The following ZNF799 variants were observed in gnomAD, a reference collection of about 807,000 sequenced individuals.
ZNF799 encodes the protein zinc finger protein 799.
In ZNF799, 28 loss-of-function variants were observed where a neutral mutation model predicts 41.0. The ratio of observed to expected loss-of-function variants is 0.68; its 90% CI spans 0.51 to 0.94. The LOEUF (loss-of-function observed/expected upper bound fraction) is 0.94, where lower values mean the gene tolerates loss of function less well. Among genes scored for constraint, ZNF799 ranks in the 40% least tolerant of loss-of-function variants. The probability of loss-of-function intolerance (pLI) is 0.00; values close to 1 mark genes in which losing one functional copy is unlikely to be tolerated. For missense variants in ZNF799, 716 were observed against 764.3 expected (o/e 0.94, Z 0.74); for synonymous variants, 213 against 252.9 (o/e 0.84, Z 1.50).
At position 12,392,171 on chromosome 19, in the gene ZNF799, T is replaced by G; in HGVS notation, c.227A>C (p.Asp76Ala). The change falls in exon 4 of 4, where the codon GAT becomes GCT. Residue 76 changes from aspartate (D) to alanine (A), a missense_variant. Asp to Ala is a moderately radical substitution (Grantham distance 126, BLOSUM62 -2). Around this residue, in one of 2 missense-constraint regions of ZNF799, gnomAD observed 698 missense variants for 713.6 expected, o/e 0.98. Transcript: ENST00000430385. ...RMLERFVESK[D>A]GTQCGETSSQ... Reference sequence around the variant, plus strand: ...AGATGTTTCTCCACATTGAGTTCCATCTTTACTTTCAACAAATCTCTCTAA... The same window carrying G: ...AGATGTTTCTCCACATTGAGTTCCAGCTTTACTTTCAACAAATCTCTCTAA... 6.3e-7 allele frequency: 1 copy of G among 1,589,914 alleles called. No homozygotes were observed.
chr19:12,393,784 T>G, intron 1 of ZNF799: 1 of 1,097,170 alleles, frequency 9.1e-7, no homozygotes, highest in Non-Finnish European at 1.1e-6. Context: ...TTAGCAGTGC[T>G]GAGACTGTGT....
upstream of ZNF799, among the ~76,000 whole-genome samples, chr19:12,403,482 C>T (rs7245860): frequency 0.045 from 6,759 of 151,112 alleles, 223 homozygotes; most frequent in Middle Eastern, 0.072. Flanking sequence ...TTGGTTTGCT[C>T]TTGCTTTTCT....
Position 12,390,869 on chromosome 19 carries a change from T to C in ZNF799, c.1529A>G (p.Lys510Arg), listed in dbSNP as rs1969799618. The C allele has an allele frequency of 2.5e-6, 4 of 1,613,946 alleles. No individual in the cohort carries two copies. Among genetic ancestry groups the C allele is most frequent in the African/African-American group, 1.3e-5 (1 of 74,914 alleles). ...GTTACCAAAATGACTGAAGGCTTTC[T>C]TACATGTGTTACACTCATAAGGTTT... ...GEKPYECNTC[K>R]KAFSHFGNLK... is the part of the protein sequence containing the mutation. Residue 510 changes from lysine (K) to arginine (R), a missense_variant, in exon 4 of 4, where the codon AAG becomes AGG. Coordinates refer to ENST00000430385, the MANE Select transcript of ZNF799 (RefSeq NM_001080821.3).
At chr19:12,405,266 T>C (rs1039042990), upstream of ZNF799, among the ~76,000 whole-genome samples, 1 of 152,058 alleles carries the variant, frequency 6.6e-6, no homozygotes, top group Non-Finnish European at 1.5e-5. Context: ...CAGAGAACCC[T>C]GACTAATACA....
chr19:12,401,140 C>CA lies in ZNF799; in HGVS notation c.-71dup, dbSNP rs1969978179. 8.7e-6 allele frequency: 14 copies of CA among 1,611,614 alleles called. 1 individual carries two copies. In the South Asian group the frequency reaches 1.3e-4, roughly 15 times the overall value. On this transcript the variant is annotated 5_prime_UTR_variant, in exon 1 of 4. Coordinates refer to ENST00000430385, the MANE Select transcript of ZNF799 (RefSeq NM_001080821.3). ...TGCCAATGCGGGTTCCCGCGGGACA[C>CA]AGGCTGCCACGGAACTTCCAGGTCG...
At chr19:12,394,981 C>G (rs1046837827) in intron 1 of ZNF799, 1 of 631,360 alleles carries the variant, frequency 1.6e-6, no homozygotes, top group African/African-American at 2.0e-5. Flanking sequence ...CCCAATCCCT[C>G]CCCCTATCAA....
At chr19:12,401,601 G>GAGAGAGAGAGAGAGAGAGAGA (rs1568505711), upstream of ZNF799, among the ~76,000 whole-genome samples, 1 of 114,296 alleles carries the variant, frequency 8.7e-6, no homozygotes, top group African/African-American at 3.7e-5. Context: ...AGAGAGAGAG[G>GAGAGAGAGAGAGAGAGAGAGA]GAGTCTTGCT....
Position 12,401,218 on chromosome 19 carries a change from G to C in ZNF799, c.-148C>G, listed in dbSNP as rs1281708341. Reference sequence around the variant, plus strand: ...GCGCCCAGCGCAGGTGGGTGGAGAAGACGCCGCGGGCTTTTTCAACCACAC... The same window carrying C: ...GCGCCCAGCGCAGGTGGGTGGAGAACACGCCGCGGGCTTTTTCAACCACAC... On this transcript the variant is annotated 5_prime_UTR_variant, in exon 1 of 4. Transcript: ENST00000430385. 3 of 1,502,458 alleles carry C rather than the reference G, an allele frequency of 2.0e-6. No homozygotes were observed. The East Asian group carries it at 7.0e-5, about 35-fold the overall frequency. 93.1% of individuals were successfully genotyped at this position (1,502,458 alleles called of 1,614,324 possible). A position where few individuals can be genotyped will look rare whatever the true frequency, so the allele number is the denominator to read the frequency against.
At chr19:12,406,793 G>C in the ZNF799 span, among the ~76,000 whole-genome samples, 3 of 151,956 alleles carry the variant, frequency 2.0e-5, no homozygotes, top group African/African-American at 7.2e-5. Context: ...CCAGCTACTG[G>C]GGAGGCTGAG....
chr19:12,405,948 G>C (rs989628311), upstream of ZNF799, among the ~76,000 whole-genome samples: 2 of 152,144 alleles, frequency 1.3e-5, no homozygotes, highest in Admixed American at 6.5e-5. Flanking sequence ...GCCGAGGGGG[G>C]CAGATCACAA....
chr19:12,402,416 C>CTT (rs745521629), upstream of ZNF799, among the ~76,000 whole-genome samples: 24,694 of 124,908 alleles, frequency 0.2, 2,929 homozygotes, highest in African/African-American at 0.24. Context: ...CCCTTTATTT[C>CTT]TTTTTTTTTT....
chr19:12,394,898 G>T (rs915521809), intron 1 of ZNF799: 44 of 981,208 alleles, frequency 4.5e-5, no homozygotes, highest in Non-Finnish European at 4.8e-5. Flanking sequence ...ACTATTAACA[G>T]AGAGATAAAT....
chr19:12,407,363 TAA>T, the ZNF799 span, among the ~76,000 whole-genome samples: 1 of 151,386 alleles, frequency 6.6e-6, no homozygotes, highest in Non-Finnish European at 1.5e-5. Flanking sequence ...CTTGGAAGGC[TAA>T]GACAGGAGGT....
chr19:12,401,667 A>G (rs1199893770), upstream of ZNF799, among the ~76,000 whole-genome samples: 2 of 132,560 alleles, frequency 1.5e-5, no homozygotes, highest in African/African-American at 5.8e-5. Flanking sequence ...TCCGCCTCCT[A>G]GGTGGGTTCA....
At chr19:12,402,417 T>TTTC (rs58394943), upstream of ZNF799, among the ~76,000 whole-genome samples, 5 of 8,958 alleles carry the variant, frequency 5.6e-4, no homozygotes, top group South Asian at 3.5e-3. Flanking sequence ...CCTTTATTTC[T>TTTC]TTTTTTTTTT....
chr19:12,401,047 A>G (rs759288047), intron 1 of ZNF799, 21 bp downstream of exon 1: 1 of 1,613,882 alleles, frequency 6.2e-7, no homozygotes, highest in Admixed American at 1.7e-5. Context: ...CCGCCTCGGG[A>G]CGCCGGCCCA....
At chr19:12,399,034 T>G (rs1969940779) in intron 1 of ZNF799, among the ~76,000 whole-genome samples, 1 of 152,254 alleles carries the variant, frequency 6.6e-6, no homozygotes, top group Non-Finnish European at 1.5e-5. Flanking sequence ...TTGGGTATAC[T>G]TTGTCTTCAA....
In ZNF799 at chr19:12,390,056, A is replaced by C; in HGVS notation, c.*410T>G. On this transcript the variant is annotated 3_prime_UTR_variant, in exon 4 of 4. Transcript: ENST00000430385. ...AGAAACTTTAATGTTCTGGCTGACTATACTATGTTGATAGGCTGACAATTA... is the reference window on the plus strand; with the variant it reads ...AGAAACTTTAATGTTCTGGCTGACTCTACTATGTTGATAGGCTGACAATTA... 1 of 239,860 alleles carries C rather than the reference A, an allele frequency of 4.2e-6. No homozygotes were observed. The highest frequency in any genetic ancestry group is 6.7e-5 in the South Asian group (1 of 14,816). The allele number at this position is 239,860 out of a possible 1,614,324, so 14.9% of individuals were successfully genotyped here. A position where few individuals can be genotyped will look rare whatever the true frequency, so the allele number is the denominator to read the frequency against.
At chr19:12,414,182 C>G in the ZNF799 span, among the ~76,000 whole-genome samples, 1 of 151,218 alleles carries the variant, frequency 6.6e-6, no homozygotes, top group Non-Finnish European at 1.5e-5. Flanking sequence ...ACCCCACGTC[C>G]CTGATTGAGT....
Sources: gnomAD v4.1 joint callset for allele counts (sites outside exome capture counted in the v4.1 genomes callset) on GRCh38, gnomAD v4.1.1 for gene constraint, gnomAD v4.1.1 regional missense constraint, MANE v1.5 for transcripts, NCBI Gene and HGNC (gene_info 2026-07-23, HGNC 2026-07-21) for gene names.